The following PCAT7 variants were observed in gnomAD, a reference collection of about 807,000 sequenced individuals.
The protein encoded by PCAT7 is prostate cancer associated transcript 7, also known as prostate cancer associated transcript 7 (non-protein coding).
At chr9:94,555,628 A>G (rs1019534174) in intron 1 of PCAT7, among the ~76,000 whole-genome samples, 1 of 151,660 alleles carries the variant, frequency 6.6e-6, no homozygotes, top group African/African-American at 2.4e-5. Context: ...GGTTTTGTGA[A>G]AAGATGGTGG....
At chr9:94,555,137 GTTT>G (rs1826988396) in exon 1 of PCAT7, 1 of 151,920 alleles carries the variant, frequency 6.6e-6, no homozygotes, top group East Asian at 1.9e-4. Flanking sequence ...TGTTTTTTTT[GTTT>G]TTGTTTTTTT....
intron 3 of PCAT7, among the ~76,000 whole-genome samples, chr9:94,573,501 C>T (rs535651837): frequency 7.1e-6 from 1 of 141,124 alleles, no homozygotes; most frequent in Non-Finnish European, 1.5e-5. Flanking sequence ...TCAAGCAATC[C>T]TCCTACCTCA....
chr9:94,561,879 C>A (rs1218321786), intron 2 of PCAT7, among the ~76,000 whole-genome samples: 1 of 152,266 alleles, frequency 6.6e-6, no homozygotes, highest in African/African-American at 2.4e-5. Flanking sequence ...TATGGAGTGA[C>A]ATGTGCTTAA....
chr9:94,559,295 G>T (rs935765989), intron 2 of PCAT7: 19 of 636,950 alleles, frequency 3.0e-5, no homozygotes, highest in Admixed American at 1.2e-4. Context: ...AGAGCCTACA[G>T]CAGGCCAGAT....
Position 94,556,174 on chromosome 9 carries a change from C to G in PCAT7, n.257+864C>G, listed in dbSNP as rs1827009259. ...TAAAGGGGGAAAAGAGGGTGGTGAGCAGCAGTAGGGAAAAGGCTTTGGGAA... is the reference window on the plus strand; with the variant it reads ...TAAAGGGGGAAAAGAGGGTGGTGAGGAGCAGTAGGGAAAAGGCTTTGGGAA... On this transcript the variant is annotated intron_variant and non_coding_transcript_variant, in intron 1 of 8. Transcript: ENST00000647389. 2.7e-5 allele frequency among the ~76,000 whole-genome samples: 4 copies of G among 146,702 alleles called. No individual in the cohort carries two copies. The South Asian group carries it at 6.4e-4, about 24-fold the overall frequency.
chr9:94,559,350 C>T (rs1436373723), intron 2 of PCAT7, among the ~76,000 whole-genome samples: 1 of 152,174 alleles, frequency 6.6e-6, no homozygotes, highest in African/African-American at 2.4e-5. Flanking sequence ...CCCCTCTGGC[C>T]AGGTGACTGA....
At chr9:94,571,379 G>A in intron 2 of PCAT7, 3 of 1,361,920 alleles carry the variant, frequency 2.2e-6, no homozygotes, top group Non-Finnish European at 3.0e-6. Context: ...GGAATAACCA[G>A]GACATTATCG....
At chr9:94,571,335 C>T (rs947307722) in intron 2 of PCAT7, 2 of 1,004,072 alleles carry the variant, frequency 2.0e-6, no homozygotes, top group Non-Finnish European at 2.7e-6. Flanking sequence ...CCAAACTAGG[C>T]TCTCAGGACC....
chr9:94,564,460 A>G (rs749114015), intron 2 of PCAT7, among the ~76,000 whole-genome samples: 1 of 152,228 alleles, frequency 6.6e-6, no homozygotes, highest in Non-Finnish European at 1.5e-5. Flanking sequence ...ACATATACAC[A>G]ATGGAATACT....
upstream of PCAT7, among the ~76,000 whole-genome samples, chr9:94,554,737 C>A (rs1359332072): frequency 1.3e-5 from 2 of 152,206 alleles, no homozygotes; most frequent in African/African-American, 2.4e-5. Context: ...CTCCCTCCTA[C>A]CGCTCCGTCA....
intron 2 of PCAT7, among the ~76,000 whole-genome samples, chr9:94,566,198 G>A (rs59746015): frequency 6.6e-6 from 1 of 152,206 alleles, no homozygotes; most frequent in Admixed American, 6.5e-5. Flanking sequence ...GTTGGGAACA[G>A]GCCCCCCAAA....
intron 2 of PCAT7, among the ~76,000 whole-genome samples, chr9:94,563,094 G>A (rs1180050554): frequency 6.6e-6 from 1 of 152,218 alleles, no homozygotes; most frequent in Non-Finnish European, 1.5e-5. Flanking sequence ...TGAACGGTGG[G>A]TGTGAGGCTG....
chr9:94,568,141 AT>A (rs1446211076), intron 2 of PCAT7: 3 of 150,646 alleles, frequency 2.0e-5, no homozygotes, highest in African/African-American at 4.9e-5. Context: ...AAAAAAAAAA[AT>A]GTGTGGTACA....
At chr9:94,559,238 G>A in intron 2 of PCAT7, 3 of 904,178 alleles carry the variant, frequency 3.3e-6, no homozygotes, top group South Asian at 3.4e-5. Context: ...CTTCCATCTG[G>A]CTAGCATGAG....
intron 2 of PCAT7, among the ~76,000 whole-genome samples, chr9:94,565,385 A>AAAG (rs773350863): frequency 0.085 from 11,453 of 134,708 alleles, 1,395 homozygotes; most frequent in African/African-American, 0.22. Flanking sequence ...AAAAAAAAAA[A>AAAG]AGATGTTCCC....
chr9:94,561,655 G>A (rs1387577768), intron 2 of PCAT7, among the ~76,000 whole-genome samples: 2 of 152,058 alleles, frequency 1.3e-5, no homozygotes, highest in Non-Finnish European at 2.9e-5. Flanking sequence ...GTGAGCCACC[G>A]CAGCCAGCCA....
chr9:94,573,094 C>T (rs974856025), intron 3 of PCAT7: 2 of 152,174 alleles, frequency 1.3e-5, no homozygotes, highest in Non-Finnish European at 2.9e-5. Flanking sequence ...CTGGCTACAA[C>T]TTTCAGGATT....
intron 2 of PCAT7, chr9:94,567,924 C>T (rs612115): frequency 0.49 from 73,982 of 152,372 alleles, 18,568 homozygotes; most frequent in African/African-American, 0.6. Context: ...GTCAGGAGAT[C>T]GAGACCATCC....
intron 3 of PCAT7, among the ~76,000 whole-genome samples, chr9:94,573,479 A>C (rs1449494000): frequency 6.6e-6 from 1 of 151,928 alleles, no homozygotes; most frequent in Admixed American, 6.6e-5. Context: ...GGCTGGTCTC[A>C]AACTCCTGGC....
Sources: gnomAD v4.1 joint callset for allele counts (sites outside exome capture counted in the v4.1 genomes callset) on GRCh38, gnomAD v4.1.1 for gene constraint, MANE v1.5 for transcripts, NCBI Gene and HGNC (gene_info 2026-07-23, HGNC 2026-07-21) for gene names.